ZNF75D: variants seen among roughly 807,000 people sequenced by gnomAD.
ZNF75D encodes zinc finger protein 75.
ZNF75D carries 33 observed loss-of-function variants against 33.3 expected under a neutral mutation model. The observed-to-expected ratio is 0.99, with a 90% CI of 0.75 to 1.32. ZNF75D has a LOEUF of 1.32. ZNF75D is among the 40% of genes most tolerant of loss of function. The pLI is 0.00. For synonymous variants in ZNF75D, 113 were observed against 130.6 expected (o/e 0.87, Z 0.92); for missense variants, 338 against 367.5 (o/e 0.92, Z 0.66).
At chrX:135,281,961 T>C (rs2083921577), downstream of ZNF75D, among the ~76,000 whole-genome samples, 1 of 112,415 alleles carries the variant, frequency 8.9e-6, no homozygotes, top group African/African-American at 3.2e-5. Context: ...TCATGAGGCA[T>C]GGGGATCAGG....
intron 1 of ZNF75D, among the ~76,000 whole-genome samples, chrX:135,267,506 A>G (rs2083867273): frequency 9.0e-6 from 1 of 111,493 alleles, no homozygotes; most frequent in South Asian, 3.7e-4. Context: ...AATACATTGA[A>G]AAATCTAGAA....
Position 135,340,405 on chromosome X carries a change from T to C in ZNF75D, c.-391+1363A>G, listed in dbSNP as rs185937091. Among the ~76,000 whole-genome samples the C allele has an allele frequency of 3.6e-3, 408 of 112,557 alleles. 4 individuals are homozygous for C. The highest frequency in any genetic ancestry group is 0.013 in the African/African-American group (387 of 30,933). On this transcript the variant is annotated intron_variant, in intron 1 of 6. Transcript: ENST00000370766. ...AATTATAAGTAGTAATGCTTAATGA[T>C]AATCTCTGAGCACAAGACCCTCCTT...
At chrX:135,268,991 A>T (rs1339340322) in intron 1 of ZNF75D, among the ~76,000 whole-genome samples, 1 of 111,942 alleles carries the variant, frequency 8.9e-6, no homozygotes, top group African/African-American at 3.2e-5. Context: ...AAGAACATAC[A>T]CTGGGGAAAA....
At chrX:135,328,546 C>G (rs2084610972) in intron 1 of ZNF75D, among the ~76,000 whole-genome samples, 1 of 111,696 alleles carries the variant, frequency 9.0e-6, no homozygotes, top group African/African-American at 3.3e-5. Flanking sequence ...GCATGTCAAG[C>G]CCTCAGAGAA....
chrX:135,276,892 A>G (rs1227328352), intron 1 of ZNF75D, among the ~76,000 whole-genome samples: 1 of 111,959 alleles, frequency 8.9e-6, no homozygotes, highest in African/African-American at 3.2e-5. Flanking sequence ...CAGTCTAACA[A>G]TGATAGCATT....
chrX:135,306,534 C>G lies in ZNF75D; in HGVS notation c.-390-10495G>C, dbSNP rs1363062447. On this transcript the variant is annotated intron_variant, in intron 1 of 6. Transcript: ENST00000370766. ...TGACAAGCTCCCCCTCTTACATAAT[C>G]CTTCGCATTTTTTCCAGTATAATTG... is the stretch of plus-strand genomic sequence containing the variant. Among the ~76,000 whole-genome samples, 5 of 111,874 alleles carry G rather than the reference C, an allele frequency of 4.5e-5. No homozygotes were observed. The South Asian group carries it at 1.9e-3, about 42-fold the overall frequency.
rs1556422115 is a variant in ZNF75D at position 135,294,089 on chromosome X, C to A, written c.52G>T (p.Ala18Ser). The A allele has an allele frequency of 3.3e-6, 4 of 1,204,826 alleles. No individual in the cohort carries two copies. The African/African-American group carries it at 7.0e-5, about 21-fold the overall frequency. Residue 18 changes from alanine to serine, a missense_variant, in exon 3 of 7, where the codon GCT becomes TCT. Transcript: ENST00000370766. Reference sequence around the variant, plus strand: ...ACAGACCCACTAGTCTCCCACATAGCCCCCATCTGGGGGCTTGAGCATGAA... The same window carrying A: ...ACAGACCCACTAGTCTCCCACATAGACCCCATCTGGGGGCTTGAGCATGAA... ...ADSCSSPQMGAMWETSGSVKE... is the reference protein window; with the variant it reads ...ADSCSSPQMGSMWETSGSVKE...
chrX:135,257,481 G>A (rs781818492), intron 1 of ZNF75D, among the ~76,000 whole-genome samples: 4 of 113,246 alleles, frequency 3.5e-5, no homozygotes, highest in Admixed American at 9.3e-5. Context: ...TAGTTGGAGC[G>A]CCAGCTTAGC....
intron 1 of ZNF75D, among the ~76,000 whole-genome samples, chrX:135,258,695 GC>G (rs1337150826): frequency 9.0e-6 from 1 of 111,490 alleles, no homozygotes; most frequent in East Asian, 2.8e-4. Flanking sequence ...CTGGATATTA[GC>G]CCTTTGTCAG....
chrX:135,327,463 G>A (rs1265113930), intron 1 of ZNF75D, among the ~76,000 whole-genome samples: 1 of 112,204 alleles, frequency 8.9e-6, no homozygotes, highest in East Asian at 2.8e-4. Flanking sequence ...GACTCACAAT[G>A]CAGCTGAGAA....
rs148964560 is a variant in ZNF75D, at chrX:135,275,255, T to C, written n.828-19478A>G. 8.4e-4 allele frequency among the ~76,000 whole-genome samples: 95 copies of C among 112,705 alleles called. 1 individual carries two copies. The highest frequency in any genetic ancestry group is 3.0e-3 in the African/African-American group (92 of 31,170). ...AAGGCATCAGCAGTTTGGCAAATTT[T>C]TAAACTATAGTTAAGCATGAAGCTG... On this transcript the variant is annotated intron_variant and non_coding_transcript_variant, in intron 1 of 3. Transcript: ENST00000494295.
chrX:135,299,835 G>A (rs2084189707), intron 1 of ZNF75D, among the ~76,000 whole-genome samples: 1 of 111,726 alleles, frequency 9.0e-6, no homozygotes. Flanking sequence ...TTTGCATATG[G>A]ATATTCAGTT....
intron 1 of ZNF75D, among the ~76,000 whole-genome samples, chrX:135,326,830 C>A (rs1440655176): frequency 4.5e-5 from 5 of 111,401 alleles, no homozygotes; most frequent in African/African-American, 1.6e-4. Context: ...AGACCACGAA[C>A]CCACCAGAAG....
downstream of ZNF75D, among the ~76,000 whole-genome samples, chrX:135,283,309 C>G (rs1444309065): frequency 8.9e-6 from 1 of 111,873 alleles, no homozygotes. Flanking sequence ...TAGGAAGGAT[C>G]AGGGAGCATG....
intron 1 of ZNF75D, among the ~76,000 whole-genome samples, chrX:135,266,322 G>C (rs1479057205): frequency 9.0e-6 from 1 of 111,691 alleles, no homozygotes; most frequent in Non-Finnish European, 1.9e-5. Flanking sequence ...TCAATCAAAA[G>C]ACATAGAGTA....
chrX:135,306,772 C>T (rs2084292127), intron 1 of ZNF75D, among the ~76,000 whole-genome samples: 1 of 112,703 alleles, frequency 8.9e-6, no homozygotes, highest in Non-Finnish European at 1.9e-5. Flanking sequence ...TGTTTGTCCT[C>T]ATCTTTCTAG....
intron 1 of ZNF75D, among the ~76,000 whole-genome samples, chrX:135,329,367 G>A (rs923692968): frequency 2.7e-5 from 3 of 110,957 alleles, no homozygotes; most frequent in South Asian, 3.8e-4. Context: ...CACTGCAACC[G>A]CTGCCTCTTA....
intron 5 of ZNF75D, 73 bp downstream of exon 5, chrX:135,291,399 C>A (rs781965513): frequency 4.4e-6 from 5 of 1,136,253 alleles, no homozygotes; most frequent in Non-Finnish European, 6.0e-6. Flanking sequence ...CACTATGAGT[C>A]CTAGGCAATA....
downstream of ZNF75D, among the ~76,000 whole-genome samples, chrX:135,283,557 T>C: frequency 8.9e-6 from 1 of 111,775 alleles, no homozygotes; most frequent in South Asian, 3.7e-4. Context: ...TCCGTTTTGT[T>C]TATTCTTCTC....
Sources: gnomAD v4.1 joint callset for allele counts (sites outside exome capture counted in the v4.1 genomes callset) on GRCh38, gnomAD v4.1.1 for gene constraint, MANE v1.5 for transcripts, NCBI Gene and HGNC (gene_info 2026-07-23, HGNC 2026-07-21) for gene names.